The following KLF16 variants were observed in gnomAD, a reference collection of about 807,000 sequenced individuals.
KLF16 encodes KLF transcription factor 16.
A neutral mutation model predicts 6.1 loss-of-function variants in KLF16; 6 were observed. That is an observed-to-expected ratio of 0.98 (90% CI 0.54 to 1.93). The LOEUF is 1.93. Ranked by LOEUF, KLF16 falls within the 30% of genes most tolerant of loss-of-function variation. The pLI, the probability that KLF16 is intolerant of heterozygous loss-of-function variation, is 0.01. For synonymous variants in KLF16, 211 were observed against 176.5 expected, an observed-to-expected ratio of 1.20 and a Z score of -1.55; for missense variants, 355 against 363.8, an observed-to-expected ratio of 0.98 and a Z score of 0.20.
chr19:1,874,501 A>AC, the KLF16 span, among the ~76,000 whole-genome samples: 6 of 151,990 alleles, frequency 3.9e-5, no homozygotes, highest in South Asian at 6.2e-4. Context: ...GGAAAAAAAA[A>AC]CCCCACTACA....
rs1352668456 is a variant in KLF16 at position 1,857,845 on chromosome 19, G to A, written c.458-3085C>T. On this transcript the variant is annotated intron_variant, in intron 1 of 1. Transcript: ENST00000250916. The surrounding 1 kb of genome is among the most constrained non-coding windows in gnomAD (Gnocchi z 4.7). ...AGGCCTCTTACCCACCCAGGGAAGG[G>A]AGGAGCTCCTGAAGGTGATCCTTGA... Among the ~76,000 whole-genome samples, 1 of 152,088 alleles carries A rather than the reference G, an allele frequency of 6.6e-6. No homozygotes were observed. Among genetic ancestry groups the A allele is most frequent in the Non-Finnish European group, 1.5e-5 (1 of 67,980 alleles).
chr19:1,873,802 G>A, the KLF16 span, among the ~76,000 whole-genome samples: 9 of 152,244 alleles, frequency 5.9e-5, no homozygotes, highest in South Asian at 8.3e-4. Flanking sequence ...GGGAGAGGCC[G>A]AGGGTGGAAG....
chr19:1,873,497 G>A, the KLF16 span, among the ~76,000 whole-genome samples: 1 of 151,836 alleles, frequency 6.6e-6, no homozygotes, highest in South Asian at 2.1e-4. Flanking sequence ...GCTGGTGTCT[G>A]TCCCGTCACC....
the KLF16 span, among the ~76,000 whole-genome samples, chr19:1,873,986 C>T: frequency 6.6e-6 from 1 of 152,260 alleles, no homozygotes. Context: ...CAGCATCGCG[C>T]ACCGTGAATA....
At chr19:1,869,237 G>C in the KLF16 span, among the ~76,000 whole-genome samples, 2 of 152,200 alleles carry the variant, frequency 1.3e-5, no homozygotes, top group Admixed American at 1.3e-4. Flanking sequence ...AGCACTTCCA[G>C]AGGCCGAGAC....
At chr19:1,860,017 T>C (rs2012031233) in intron 1 of KLF16, among the ~76,000 whole-genome samples, 1 of 149,942 alleles carries the variant, frequency 6.7e-6, no homozygotes, top group South Asian at 2.1e-4. Flanking sequence ...AAGCCCTGGG[T>C]GAGAAGAACC....
chr19:1,866,860 T>C (rs8103942), upstream of KLF16, among the ~76,000 whole-genome samples: 110,245 of 150,988 alleles, frequency 0.73, 40,355 homozygotes, highest in Middle Eastern at 0.79. Context: ...AACAGCCGGC[T>C]CCTGCTCACA....
chr19:1,863,588 CGGAGGA>C (rs571616389), upstream of KLF16: 54 of 447,546 alleles, frequency 1.2e-4, no homozygotes, highest in African/African-American at 2.6e-4. Context: ...GTGCGGGAGG[CGGAGGA>C]GGAGGAGGAG....
rs2011977376 is a variant in KLF16, at chr19:1,857,445, G to A, written c.458-2685C>T. Among the ~76,000 whole-genome samples the A allele has an allele frequency of 6.6e-6, 1 of 152,228 alleles. No homozygotes were observed. Among genetic ancestry groups the A allele is most frequent in the Non-Finnish European group, 1.5e-5 (1 of 68,032 alleles). Reference sequence around the variant, plus strand: ...GGAGGGCAGTGTGGGCGGGGCCGCGGTGGACTTGACCCTCTGACTCAGGCT... The same window carrying A: ...GGAGGGCAGTGTGGGCGGGGCCGCGATGGACTTGACCCTCTGACTCAGGCT... On this transcript the variant is annotated intron_variant, in intron 1 of 1. Coordinates refer to ENST00000250916, the MANE Select transcript of KLF16 (RefSeq NM_031918.4). The surrounding 1 kb of genome is among the most constrained non-coding windows in gnomAD (Gnocchi z 4.7).
chr19:1,854,426 A>G lies in KLF16; in HGVS notation c.*33T>C. On this transcript the variant is annotated 3_prime_UTR_variant, in exon 2 of 2. Transcript: ENST00000250916. ...CACTACACCCCTGGATGGCAGAAGC[A>G]TCCTGGCGGTCAGGGTGGGCTGCAC... is the stretch of plus-strand genomic sequence containing the variant. 1.4e-6 allele frequency: 2 copies of G among 1,388,894 alleles called. No homozygotes were observed. The highest frequency in any genetic ancestry group is 1.9e-6 in the Non-Finnish European group (2 of 1,080,688). The allele number at this position is 1,388,894 out of a possible 1,614,324, so 86.0% of individuals were successfully genotyped here. A position where few individuals can be genotyped will look rare whatever the true frequency, so the allele number is the denominator to read the frequency against.
At chr19:1,867,351 C>T (rs1280730721), upstream of KLF16, among the ~76,000 whole-genome samples, 1 of 152,218 alleles carries the variant, frequency 6.6e-6, no homozygotes, top group Non-Finnish European at 1.5e-5. Flanking sequence ...GGGAGGACTG[C>T]TTGAGCCCAG....
chr19:1,873,850 G>T, the KLF16 span, among the ~76,000 whole-genome samples: 1 of 152,260 alleles, frequency 6.6e-6, no homozygotes, highest in African/African-American at 2.4e-5. Flanking sequence ...CCCGGACTCG[G>T]TTTACCCCAT....
chr19:1,866,878 G>C (rs753822206), upstream of KLF16, among the ~76,000 whole-genome samples: 20 of 151,904 alleles, frequency 1.3e-4, no homozygotes, highest in East Asian at 5.8e-4. Flanking sequence ...ACAGCTAAGA[G>C]GCAGCAGACA....
At chr19:1,862,988 GA>G in intron 1 of KLF16, 52 bp downstream of exon 1, 1 of 1,137,754 alleles carries the variant, frequency 8.8e-7, no homozygotes, top group South Asian at 2.4e-5. Context: ...CCTGGCGGGG[GA>G]GGGGTCTCAG....
chr19:1,875,654 G>A, the KLF16 span: 1 of 152,268 alleles, frequency 6.6e-6, no homozygotes, highest in Non-Finnish European at 1.5e-5. Context: ...CCAGCTCGCA[G>A]GGAGCTCAGG....
At chr19:1,873,475 T>C in the KLF16 span, among the ~76,000 whole-genome samples, 3,405 of 152,270 alleles carry the variant, frequency 0.022, 133 homozygotes, top group African/African-American at 0.078. Context: ...GCCTAGGCCA[T>C]AGGGTCACCT....
chr19:1,852,475 C>G lies in KLF16; in HGVS notation c.*1984G>C, dbSNP rs892482785. ...GGCAGGGCGGGGGAGGGGCGCCACC[C>G]ACGGAAAGCACACGCCTCTCGGAGC... On this transcript the variant is annotated 3_prime_UTR_variant, in exon 2 of 2. Transcript: ENST00000250916. 3.9e-5 allele frequency: 6 copies of G among 152,070 alleles called. No homozygotes were observed. The highest frequency in any genetic ancestry group is 1.4e-4 in the African/African-American group (6 of 41,394). The allele number at this position is 152,070 out of a possible 1,614,324, so 9.4% of individuals were successfully genotyped here.
the KLF16 span, among the ~76,000 whole-genome samples, chr19:1,869,172 AC>A: frequency 6.6e-6 from 1 of 152,116 alleles, no homozygotes; most frequent in Non-Finnish European, 1.5e-5. Context: ...TCAGAGCTGT[AC>A]CCATGTTAAT....
intron 1 of KLF16, chr19:1,862,828 CG>C: frequency 3.0e-6 from 1 of 331,580 alleles, no homozygotes; most frequent in Non-Finnish European, 5.4e-6. Context: ...CCACTGCCGC[CG>C]GGGCGGCCAT....
Sources: gnomAD v4.1 joint callset for allele counts (sites outside exome capture counted in the v4.1 genomes callset) on GRCh38, gnomAD v4.1.1 for gene constraint, Gnocchi (gnomAD v3.1) non-coding constraint, MANE v1.5 for transcripts, NCBI Gene and HGNC (gene_info 2026-07-23, HGNC 2026-07-21) for gene names.